SPMIP4: variants seen among roughly 807,000 people sequenced by gnomAD.
SPMIP4 encodes sperm microtubule inner protein 4.
chr7:25,178,309 T>C, the SPMIP4 span, among the ~76,000 whole-genome samples: 4 of 152,328 alleles, frequency 2.6e-5, 1 homozygote, highest in South Asian at 8.3e-4. Flanking sequence ...CTTATATTCC[T>C]TTGATAGAAC....
the SPMIP4 span, among the ~76,000 whole-genome samples, chr7:25,170,841 T>C: frequency 6.6e-6 from 1 of 152,208 alleles, no homozygotes; most frequent in East Asian, 1.9e-4. Flanking sequence ...TTTTCAGAAA[T>C]GGAGAGTATT....
At chr7:25,158,526 G>A in the SPMIP4 span, 4 of 1,609,604 alleles carry the variant, frequency 2.5e-6, no homozygotes, top group Non-Finnish European at 3.4e-6. Flanking sequence ...GGCGGCTTGG[G>A]TATCCTAGAA....
At chr7:25,126,054 AATATATAT>A in the SPMIP4 span, 6 of 271,346 alleles carry the variant, frequency 2.2e-5, no homozygotes, top group East Asian at 8.9e-4. Context: ...GAAGTAGGTA[AATATATAT>A]ATATACTTAA....
At chr7:25,151,815 TAG>T in the SPMIP4 span, 1 of 520,132 alleles carries the variant, frequency 1.9e-6, no homozygotes, top group Non-Finnish European at 3.4e-6. Flanking sequence ...GTTACAGCTT[TAG>T]AGAGATTCAG....
At chr7:25,135,486 G>A in the SPMIP4 span, 5 of 985,876 alleles carry the variant, frequency 5.1e-6, no homozygotes, top group African/African-American at 7.0e-5. Flanking sequence ...AATTAACTAG[G>A]TGTTTGGGTT....
chr7:25,143,551 A>G, the SPMIP4 span, among the ~76,000 whole-genome samples: 1 of 151,562 alleles, frequency 6.6e-6, no homozygotes, highest in Non-Finnish European at 1.5e-5. Flanking sequence ...GATTTTAACA[A>G]GTAATTCTTT....
the SPMIP4 span, chr7:25,142,139 TG>T: frequency 1.3e-6 from 1 of 747,884 alleles, no homozygotes. Context: ...AATTTCCATT[TG>T]CTAACTTGGT....
the SPMIP4 span, among the ~76,000 whole-genome samples, chr7:25,175,335 T>A: frequency 6.6e-6 from 1 of 152,150 alleles, no homozygotes; most frequent in Admixed American, 6.5e-5. Flanking sequence ...CTTGGCATAC[T>A]ACAACCTCTG....
chr7:25,153,370 C>A, the SPMIP4 span, among the ~76,000 whole-genome samples: 1 of 151,876 alleles, frequency 6.6e-6, no homozygotes, highest in African/African-American at 2.4e-5. Context: ...TCGAGACCAG[C>A]CTGGCCAACA....
the SPMIP4 span, among the ~76,000 whole-genome samples, chr7:25,144,260 T>C: frequency 4.6e-5 from 7 of 152,248 alleles, no homozygotes; most frequent in Non-Finnish European, 1.0e-4. Context: ...AAATAAAATA[T>C]GTTCCTTTCA....
the SPMIP4 span, among the ~76,000 whole-genome samples, chr7:25,157,178 T>C: frequency 6.6e-6 from 1 of 152,224 alleles, no homozygotes; most frequent in East Asian, 1.9e-4. Context: ...ATTGGATTGC[T>C]ACCTAAGTAC....
chr7:25,175,246 T>C, the SPMIP4 span, among the ~76,000 whole-genome samples: 232 of 152,096 alleles, frequency 1.5e-3, 2 homozygotes, highest in Middle Eastern at 0.02. Context: ...TGTCACCTAT[T>C]TTTGTATTGT....
the SPMIP4 span, among the ~76,000 whole-genome samples, chr7:25,143,583 CTT>C: frequency 0.28 from 30,664 of 110,252 alleles, 4,622 homozygotes; most frequent in South Asian, 0.37. Flanking sequence ...AGTAAAGACA[CTT>C]TTTTTTTTTT....
At chr7:25,142,961 T>G in the SPMIP4 span, 1 of 508,026 alleles carries the variant, frequency 2.0e-6, no homozygotes, top group East Asian at 3.4e-5. Flanking sequence ...AGTTAATTAC[T>G]AATTGCTATA....
At chr7:25,179,426 C>G in the SPMIP4 span, 12 of 1,048,902 alleles carry the variant, frequency 1.1e-5, no homozygotes, top group East Asian at 2.6e-5. Flanking sequence ...TGACGCTGCA[C>G]AGACGTCACA....
chr7:25,136,193 T>C, the SPMIP4 span: 1 of 1,614,200 alleles, frequency 6.2e-7, no homozygotes, highest in Non-Finnish European at 8.5e-7. The surrounding 1 kb of genome is among the most constrained non-coding windows in gnomAD (Gnocchi z 5.7). Flanking sequence ...TCTTCATTGT[T>C]TTCCATATTC....
the SPMIP4 span, chr7:25,168,366 G>A: frequency 6.2e-7 from 1 of 1,613,482 alleles, no homozygotes; most frequent in Non-Finnish European, 8.5e-7. Context: ...ACTTTGGCCT[G>A]TGGTCCTCGG....
At chr7:25,141,574 GAAAA>G in the SPMIP4 span, among the ~76,000 whole-genome samples, 55,017 of 94,502 alleles carry the variant, frequency 0.58, 13,879 homozygotes, top group South Asian at 0.66. Flanking sequence ...CTGTCTCAAG[GAAAA>G]AAAAAAAAAA....
At chr7:25,147,238 G>A in the SPMIP4 span, among the ~76,000 whole-genome samples, 2 of 152,248 alleles carry the variant, frequency 1.3e-5, no homozygotes, top group African/African-American at 4.8e-5. Context: ...AGGCTGCAGT[G>A]AGCCGAGATT....
Sources: allele counts gnomAD v4.1 joint callset (sites outside exome capture counted in the v4.1 genomes callset), GRCh38; gene constraint gnomAD v4.1.1; non-coding constraint Gnocchi (gnomAD v3.1); transcripts MANE v1.5; gene names NCBI Gene and HGNC (gene_info 2026-07-23, HGNC 2026-07-21).